EIF2B3: variants seen among roughly 807,000 people sequenced by gnomAD.
EIF2B3 encodes eukaryotic translation initiation factor 2B subunit gamma.
A neutral mutation model predicts 54.1 loss-of-function variants in EIF2B3; 20 were observed. The ratio of observed to expected loss-of-function variants is 0.37; its 90% CI spans 0.26 to 0.54. The LOEUF (loss-of-function observed/expected upper bound fraction) is 0.54. EIF2B3 is among the 20% of genes least tolerant of loss of function. The probability of loss-of-function intolerance (pLI) is 0.86; values close to 1 mark genes in which losing one functional copy is unlikely to be tolerated. For synonymous variants in EIF2B3, 153 were observed against 188.1 expected (o/e 0.81, Z 1.52); for missense variants, 448 against 547.8 (o/e 0.82, Z 1.82).
chr1:44,937,875 C>T (rs1041775479), intron 4 of EIF2B3, among the ~76,000 whole-genome samples: 4 of 98,630 alleles, frequency 4.1e-5, no homozygotes, highest in African/African-American at 1.2e-4. Flanking sequence ...CAGAGCGAGA[C>T]TCCGTCTCAA....
intron 5 of EIF2B3, among the ~76,000 whole-genome samples, chr1:44,900,215 G>C (rs1643252470): frequency 6.6e-6 from 1 of 152,166 alleles, no homozygotes; most frequent in African/African-American, 2.4e-5. Flanking sequence ...GGGAAGCCAA[G>C]GTGGGTGGAT....
At chr1:44,958,955 T>C in intron 3 of EIF2B3, 1 of 778,890 alleles carries the variant, frequency 1.3e-6, no homozygotes, top group East Asian at 2.4e-5. Flanking sequence ...AAAGCGAGGA[T>C]GTAGAATTGA....
intron 6 of EIF2B3, among the ~76,000 whole-genome samples, chr1:44,885,901 A>ATTTT (rs57544990): frequency 0.036 from 4,726 of 133,094 alleles, 332 homozygotes; most frequent in African/African-American, 0.12. Flanking sequence ...CGCTTGGCTA[A>ATTTT]TTTTTTTTTT....
At chr1:44,935,795 C>G (rs1176219036) in intron 4 of EIF2B3, among the ~76,000 whole-genome samples, 1 of 152,170 alleles carries the variant, frequency 6.6e-6, no homozygotes, top group Admixed American at 6.5e-5. Context: ...GCCACTGCAC[C>G]CAGCCTGTAA....
At chr1:44,862,253 ACGC>A (rs1170840854) in intron 10 of EIF2B3, among the ~76,000 whole-genome samples, 1 of 152,184 alleles carries the variant, frequency 6.6e-6, no homozygotes, top group African/African-American at 2.4e-5. Flanking sequence ...GTTCTCTAAG[ACGC>A]TGCTCAGTGA....
chr1:44,884,834 A>C (rs568877388), intron 6 of EIF2B3, among the ~76,000 whole-genome samples: 2 of 152,310 alleles, frequency 1.3e-5, no homozygotes, highest in East Asian at 3.9e-4. Context: ...GAGCCTTGGC[A>C]CATGGCCCCA....
intron 3 of EIF2B3, among the ~76,000 whole-genome samples, chr1:44,965,634 CTTTTTTTTTTTTTTT>C (rs386366856): frequency 9.8e-6 from 1 of 102,400 alleles, no homozygotes; most frequent in Admixed American, 1.2e-4. Flanking sequence ...ACAAATGCAT[CTTTTTTTTTTTTTTT>C]TTTTTTTTGA....
At chr1:44,956,996 C>T (rs1358204979) in intron 3 of EIF2B3, among the ~76,000 whole-genome samples, 1 of 152,186 alleles carries the variant, frequency 6.6e-6, no homozygotes, top group Non-Finnish European at 1.5e-5. Flanking sequence ...GGAGTGGTGG[C>T]TCATGCCTGT....
chr1:44,913,372 C>T (rs1467135474), intron 5 of EIF2B3, among the ~76,000 whole-genome samples: 1 of 152,010 alleles, frequency 6.6e-6, no homozygotes, highest in Non-Finnish European at 1.5e-5. Flanking sequence ...TATATCCTGA[C>T]CACTGTAAGA....
At chr1:44,888,473 A>ATCTCTCTCTCTC (rs3044260) in intron 6 of EIF2B3, among the ~76,000 whole-genome samples, 160 of 144,522 alleles carry the variant, frequency 1.1e-3, no homozygotes, top group African/African-American at 3.3e-3. Flanking sequence ...TGGCTTCTCA[A>ATCTCTCTCTCTC]TCTCTCTCTC....
chr1:44,936,722 A>C (rs367903969), intron 4 of EIF2B3, among the ~76,000 whole-genome samples: 14 of 152,366 alleles, frequency 9.2e-5, no homozygotes, highest in African/African-American at 2.6e-4. Context: ...GGTTTTTTAA[A>C]GTACTGCCAT....
chr1:44,877,735 T>C (rs1304871181), intron 8 of EIF2B3, among the ~76,000 whole-genome samples: 1 of 152,152 alleles, frequency 6.6e-6, no homozygotes, highest in African/African-American at 2.4e-5. Context: ...TACCAGTCTA[T>C]TAGGAAGGCA....
rs148977100 is a variant in EIF2B3 at position 44,941,509 on chromosome 1, C to T, written c.451G>A (p.Ala151Thr). Reference protein sequence around the residue: ...PVPGQKGKKKAVEQRDFIGVD... With the variant: ...PVPGQKGKKKTVEQRDFIGVD... ...AACAAACTCCAATCTTCCTTACCTG[C>T]TTTTTTTTTCCCCTTTTGACCGGGA... Residue 151 changes from alanine to threonine, a missense_variant, in exon 4 of 12, where the codon GCA (alanine) becomes ACA (threonine). This residue lies in a region of EIF2B3 where 350 missense variants were observed against 414.2 expected (regional missense o/e 0.85). Coordinates refer to ENST00000360403, the MANE Select transcript of EIF2B3 (RefSeq NM_020365.5). 39 of 1,592,112 alleles carry T rather than the reference C, an allele frequency of 2.4e-5. No individual in the cohort carries two copies. In the African/African-American group the frequency reaches 5.0e-4, roughly 20 times the overall value.
At chr1:44,944,748 C>A (rs1644078768) in intron 3 of EIF2B3, among the ~76,000 whole-genome samples, 1 of 152,146 alleles carries the variant, frequency 6.6e-6, no homozygotes, top group Admixed American at 6.6e-5. Context: ...ATTGCTTAAA[C>A]CTCAGAGGAG....
intron 6 of EIF2B3, among the ~76,000 whole-genome samples, chr1:44,884,013 A>G (rs1036080033): frequency 6.6e-6 from 1 of 151,996 alleles, no homozygotes; most frequent in African/African-American, 2.4e-5. Flanking sequence ...TAATTTTTTT[A>G]TTATTTGTAG....
intron 6 of EIF2B3, among the ~76,000 whole-genome samples, chr1:44,886,973 C>A (rs1301376856): frequency 6.6e-6 from 1 of 152,180 alleles, no homozygotes; most frequent in East Asian, 1.9e-4. Context: ...GCTTTAACAA[C>A]CCCAGGAGCG....
At chr1:44,950,533 A>G (rs953566239) in intron 3 of EIF2B3, among the ~76,000 whole-genome samples, 1 of 151,820 alleles carries the variant, frequency 6.6e-6, no homozygotes, top group Non-Finnish European at 1.5e-5. Flanking sequence ...CTTTCGGGTT[A>G]GGGATATGGG....
intron 10 of EIF2B3, among the ~76,000 whole-genome samples, chr1:44,864,095 G>A (rs1462661532): frequency 6.6e-6 from 1 of 152,172 alleles, no homozygotes; most frequent in Admixed American, 6.6e-5. Context: ...AGGCTAGGGA[G>A]TTTAGGGGAA....
At chr1:44,916,247 G>A (rs987729887) in intron 5 of EIF2B3, among the ~76,000 whole-genome samples, 1 of 151,446 alleles carries the variant, frequency 6.6e-6, no homozygotes, top group African/African-American at 2.4e-5. Flanking sequence ...TTTGAGACAG[G>A]GTCTCTCTCT....
Sources: gnomAD v4.1 joint callset for allele counts (sites outside exome capture counted in the v4.1 genomes callset) on GRCh38, gnomAD v4.1.1 for gene constraint, gnomAD v4.1.1 regional missense constraint, MANE v1.5 for transcripts, NCBI Gene and HGNC (gene_info 2026-07-23, HGNC 2026-07-21) for gene names.